The following ERCC1 variants were observed in gnomAD, a reference collection of about 807,000 sequenced individuals.
ERCC1 encodes ERCC excision repair 1, endonuclease non-catalytic subunit, also known as DNA excision repair protein ERCC-1.
Under a neutral mutation model 37.6 loss-of-function variants are expected in ERCC1, and 36 were observed. The ratio of observed to expected loss-of-function variants is 0.96; its 90% CI spans 0.73 to 1.26. ERCC1 has a LOEUF of 1.26. ERCC1 is among the 50% of genes most tolerant of loss of function. ERCC1 has a pLI of 0.00. For missense variants in ERCC1, 349 were observed against 376.5 expected, an observed-to-expected ratio of 0.93 and a Z score of 0.60; for synonymous variants, 156 against 162.1, an observed-to-expected ratio of 0.96 and a Z score of 0.28.
rs1973538524 is a variant in ERCC1, at chr19:45,409,259, G to A, written c.*416C>T. On this transcript the variant is annotated 3_prime_UTR_variant, in exon 10 of 10. Transcript: ENST00000300853. Reference sequence around the variant, plus strand: ...GAAGAAGAAGAAGAAGAAAGAGAGAGGTCACACAGTGACTGAGCCAATTCA... The same window carrying A: ...GAAGAAGAAGAAGAAGAAAGAGAGAAGTCACACAGTGACTGAGCCAATTCA... The A allele has an allele frequency of 6.2e-7, 1 of 1,613,480 alleles. No individual in the cohort carries two copies. The highest frequency in any genetic ancestry group is 1.6e-4 in the Middle Eastern group (1 of 6,062).
At chr19:45,437,233 G>A (rs913385002) in intron 1 of ERCC1, among the ~76,000 whole-genome samples, 5 of 151,974 alleles carry the variant, frequency 3.3e-5, no homozygotes, top group African/African-American at 7.2e-5. Flanking sequence ...TGGGCGACAG[G>A]AGCAAGACTT....
chr19:45,437,900 GTTCTC>G (rs1568598846), intron 1 of ERCC1, among the ~76,000 whole-genome samples: 1,730 of 151,040 alleles, frequency 0.011, 34 homozygotes, highest in African/African-American at 0.039. Flanking sequence ...GTCACTACGT[GTTCTC>G]ATCTGATTTT....
At chr19:45,421,109 G>T in intron 3 of ERCC1, 69 bp downstream of exon 3, 1 of 1,322,968 alleles carries the variant, frequency 7.6e-7, no homozygotes, top group Non-Finnish European at 1.1e-6. Context: ...TCCTTGCACT[G>T]GAGTCATCCC....
chr19:45,426,884 C>T (rs984813701), upstream of ERCC1, among the ~76,000 whole-genome samples: 3 of 141,532 alleles, frequency 2.1e-5, no homozygotes, highest in Non-Finnish European at 3.0e-5. Flanking sequence ...CACTTGAACC[C>T]GGGAGGTGGA....
chr19:45,433,215 C>T (rs531877600), intron 1 of ERCC1, among the ~76,000 whole-genome samples: 15 of 152,126 alleles, frequency 9.9e-5, no homozygotes, highest in Admixed American at 2.6e-4. Flanking sequence ...CGTGGTGAAA[C>T]CCTGTCTCTA....
chr19:45,426,378 C>CAA (rs71173164), upstream of ERCC1, among the ~76,000 whole-genome samples: 289 of 55,376 alleles, frequency 5.2e-3, 19 homozygotes, highest in African/African-American at 5.8e-3. Context: ...GACTCTGTCT[C>CAA]AAAAAAAAAA....
At chr19:45,436,449 A>G (rs967894999) in intron 1 of ERCC1, among the ~76,000 whole-genome samples, 7 of 151,800 alleles carry the variant, frequency 4.6e-5, no homozygotes, top group Non-Finnish European at 8.8e-5. Flanking sequence ...ACATGGTGAA[A>G]CCCTGTCTCT....
upstream of ERCC1, among the ~76,000 whole-genome samples, chr19:45,428,083 C>CTTTTTTTT (rs5828235): frequency 0.01 from 1,161 of 115,900 alleles, 87 homozygotes; most frequent in African/African-American, 0.039. Context: ...TTCTTTCTTT[C>CTTTTTTTT]TTTTTTTTTT....
At chr19:45,410,814 GTTTT>G (rs566117468) in intron 9 of ERCC1, 1 of 151,062 alleles carries the variant, frequency 6.6e-6, no homozygotes, top group African/African-American at 2.4e-5. Context: ...AGGATCTCAT[GTTTT>G]TTTTGTTTTG....
At chr19:45,419,758 C>G (rs1300885408) in intron 4 of ERCC1, among the ~76,000 whole-genome samples, 2 of 152,252 alleles carry the variant, frequency 1.3e-5, no homozygotes, top group East Asian at 3.9e-4. Context: ...TGGGAGAAAT[C>G]CTGCTTCTCA....
Position 45,408,911 on chromosome 19 carries a change from G to A in ERCC1, c.*764C>T, listed in dbSNP as rs1568570563. 1 of 1,614,124 alleles carries A rather than the reference G, an allele frequency of 6.2e-7. No homozygotes were observed. The highest frequency in any genetic ancestry group is 8.5e-7 in the Non-Finnish European group (1 of 1,179,998). ...AGTTGAGTCTCAGCCACAGGTGAAG[G>A]TGGAGCCACTGGAGGAAGCCATCCC... is the stretch of plus-strand genomic sequence containing the variant. On this transcript the variant is annotated 3_prime_UTR_variant, in exon 10 of 10. Transcript: ENST00000300853.
chr19:45,432,842 G>A (rs570926990), intron 1 of ERCC1, among the ~76,000 whole-genome samples: 111 of 151,776 alleles, frequency 7.3e-4, no homozygotes, highest in Admixed American at 1.4e-3. Context: ...CGAGGTGGGC[G>A]GATCACGTGA....
At chr19:45,427,522 G>A (rs1398574835), upstream of ERCC1, among the ~76,000 whole-genome samples, 1 of 152,132 alleles carries the variant, frequency 6.6e-6, no homozygotes, top group Non-Finnish European at 1.5e-5. Flanking sequence ...GGCTGAGACG[G>A]AGAATTGCTT....
In ERCC1 at chr19:45,420,128, C is replaced by T. The variant is rs185481473; in HGVS notation, c.425+196G>A. Among the ~76,000 whole-genome samples the T allele has an allele frequency of 1.2e-3, 179 of 152,174 alleles. No individual in the cohort carries two copies. The highest frequency in any genetic ancestry group is 1.6e-3 in the Non-Finnish European group (110 of 68,002). ...CCCTCCTTCCTGAGACCCAGGAGTTCGGGCTCCAGCTCTTGTTGCACTGGG... is the reference window on the plus strand; with the variant it reads ...CCCTCCTTCCTGAGACCCAGGAGTTTGGGCTCCAGCTCTTGTTGCACTGGG... On this transcript the variant is annotated intron_variant, in intron 4 of 9. Transcript: ENST00000300853. The surrounding 1 kb of genome is among the most constrained non-coding windows in gnomAD (Gnocchi z 4.8).
Position 45,421,041 on chromosome 19 carries a change from G to C in ERCC1, c.321+137C>G, listed in dbSNP as rs1257141746. On this transcript the variant is annotated intron_variant, in intron 3 of 9. Coordinates refer to ENST00000300853, the MANE Select transcript of ERCC1 (RefSeq NM_001983.4). ...CACTCTCAACCCACACACTGCTGTC[G>C]AATGAATGAATGAATGAATGAATGA... The C allele has an allele frequency of 5.9e-5, 36 of 613,996 alleles. 1 individual carries two copies. In the South Asian group the frequency reaches 6.2e-4, roughly 11 times the overall value. 38.0% of individuals were successfully genotyped at this position (613,996 alleles called of 1,614,324 possible).
At chr19:45,430,601 G>A (rs1299295415) in intron 1 of ERCC1, among the ~76,000 whole-genome samples, 2 of 152,074 alleles carry the variant, frequency 1.3e-5, no homozygotes, top group African/African-American at 4.8e-5. Flanking sequence ...CACCCCTTTG[G>A]GGGTCTACAA....
In ERCC1 at chr19:45,420,551, G is replaced by C. The variant is rs187255055; in HGVS notation, c.322-124C>G. On this transcript the variant is annotated intron_variant, in intron 3 of 9. Coordinates refer to ENST00000300853, the MANE Select transcript of ERCC1 (RefSeq NM_001983.4). This position sits in a 1 kb window ranked among gnomAD's most constrained non-coding sequence, Gnocchi z 4.8. ...CTCTTCCCACACCTCCTGCCTCCTC[G>C]CACCTCTTCCCACACCTCCTCCCTC... The C allele has an allele frequency of 5.7e-6, 4 of 707,420 alleles. No homozygotes were observed. The highest frequency in any genetic ancestry group is 4.0e-5 in the Admixed American group (2 of 49,478). The allele number at this position is 707,420 out of a possible 1,614,324, so 43.8% of individuals were successfully genotyped here.
chr19:45,440,690 C>T (rs1277306988), intron 1 of ERCC1, among the ~76,000 whole-genome samples: 3 of 152,074 alleles, frequency 2.0e-5, no homozygotes, highest in Admixed American at 6.6e-5. Flanking sequence ...AGCCTTGAGC[C>T]GTTTCTTTAT....
intron 5 of ERCC1, among the ~76,000 whole-genome samples, chr19:45,418,290 A>G (rs1395332208): frequency 6.6e-6 from 1 of 152,188 alleles, no homozygotes; most frequent in East Asian, 1.9e-4. Context: ...TGGAGGTTGC[A>G]GTGAGCCAAG....
Sources: gnomAD v4.1 joint callset for allele counts (sites outside exome capture counted in the v4.1 genomes callset) on GRCh38, gnomAD v4.1.1 for gene constraint, Gnocchi (gnomAD v3.1) non-coding constraint, MANE v1.5 for transcripts, NCBI Gene and HGNC (gene_info 2026-07-23, HGNC 2026-07-21) for gene names.